CLVS2: variants seen among roughly 807,000 people sequenced by gnomAD.
The protein encoded by CLVS2 is clavesin-2.
In CLVS2, 19 loss-of-function variants were observed where a neutral mutation model predicts 29.0. That is an observed-to-expected ratio of 0.66 (90% CI 0.46 to 0.96). The LOEUF (loss-of-function observed/expected upper bound fraction) is 0.96. CLVS2 is among the 40% of genes least tolerant of loss of function. CLVS2 has a pLI of 0.00. For missense variants in CLVS2, 294 were observed against 404.1 expected (o/e 0.73, Z 2.34); for synonymous variants, 161 against 151.3 (o/e 1.06, Z -0.47).
In CLVS2 at chr6:122,997,582, G is replaced by GC. The variant is rs949735203; in HGVS notation, c.-189dup. On this transcript the variant is annotated 5_prime_UTR_variant, in exon 2 of 6. An upstream open reading frame in the 5' UTR loses its in-frame stop. Coordinates refer to ENST00000275162, the MANE Select transcript of CLVS2 (RefSeq NM_001010852.4). ...CAGAGGAAGAAGTTTACACCCCCCG[G>GC]CCCCCCCAGCTTTGCTGGGGGAAAG... 18 of 610,890 alleles carry GC rather than the reference G, an allele frequency of 2.9e-5. No individual in the cohort carries two copies. The highest frequency in any genetic ancestry group is 4.5e-4 in the Middle Eastern group (1 of 2,236). The allele number at this position is 610,890 out of a possible 1,614,324, so 37.8% of individuals were successfully genotyped here.
chr6:123,029,177 T>G (rs1424967527), intron 3 of CLVS2, among the ~76,000 whole-genome samples: 1 of 152,214 alleles, frequency 6.6e-6, no homozygotes. Flanking sequence ...TATGATATTC[T>G]TGTTATAATT....
At chr6:123,030,836 A>T (rs1041154198) in intron 3 of CLVS2, among the ~76,000 whole-genome samples, 6 of 124,490 alleles carry the variant, frequency 4.8e-5, no homozygotes, top group African/African-American at 1.6e-4. Flanking sequence ...TATATATATA[A>T]AATATATATA....
In CLVS2 at chr6:123,049,803, A is replaced by T. The variant is rs1289983468; in HGVS notation, c.675+1071A>T. 5.0e-5 allele frequency among the ~76,000 whole-genome samples: 3 copies of T among 60,154 alleles called. No homozygotes were observed. The South Asian group carries it at 2.0e-3, about 40-fold the overall frequency. 39.5% of individuals were successfully genotyped at this position (60,154 alleles called of 152,430 possible). Reference sequence around the variant, plus strand: ...ATCACACACCGGGGCCTGTTGTGGGATGGGGGGCGGGGAGGAATAGCATTA... The same window carrying T: ...ATCACACACCGGGGCCTGTTGTGGGTTGGGGGGCGGGGAGGAATAGCATTA... On this transcript the variant is annotated intron_variant, in intron 4 of 5. Transcript: ENST00000275162.
At position 122,997,453 on chromosome 6, in the gene CLVS2, G is replaced by C. The variant is rs1343182956; in HGVS notation, c.-325G>C. 1.5e-5 allele frequency: 5 copies of C among 324,356 alleles called. No individual in the cohort carries two copies. Among genetic ancestry groups the C allele is most frequent in the Non-Finnish European group, 3.0e-5 (5 of 166,160 alleles). 20.1% of individuals were successfully genotyped at this position (324,356 alleles called of 1,614,324 possible). A position where few individuals can be genotyped will look rare whatever the true frequency, so the allele number is the denominator to read the frequency against. ...GGTGGAATTAGGGGTGATTTGTTAGGAAAGAGAAAGGACAAGAAGAGGAGT... is the reference window on the plus strand; with the variant it reads ...GGTGGAATTAGGGGTGATTTGTTAGCAAAGAGAAAGGACAAGAAGAGGAGT... On this transcript the variant is annotated 5_prime_UTR_variant, in exon 2 of 6. Coordinates refer to ENST00000275162, the MANE Select transcript of CLVS2 (RefSeq NM_001010852.4).
rs1772964110 is a variant in CLVS2 at position 123,072,490 on chromosome 6, C to T, written c.*8729C>T. 1 of 152,072 alleles carries T rather than the reference C, an allele frequency of 6.6e-6. No homozygotes were observed. Among genetic ancestry groups the T allele is most frequent in the Non-Finnish European group, 1.5e-5 (1 of 67,972 alleles). 9.4% of individuals were successfully genotyped at this position (152,072 alleles called of 1,614,324 possible). A position where few individuals can be genotyped will look rare whatever the true frequency, so the allele number is the denominator to read the frequency against. ...AGAGAAGAGACTAATGATTCTTGCT[C>T]ACAAACAAGGCAGAATTTCCTTATG... On this transcript the variant is annotated 3_prime_UTR_variant, in exon 6 of 6. Coordinates refer to ENST00000275162, the MANE Select transcript of CLVS2 (RefSeq NM_001010852.4).
chr6:123,057,625 G>A (rs1003534449), intron 5 of CLVS2, among the ~76,000 whole-genome samples: 2 of 152,064 alleles, frequency 1.3e-5, no homozygotes, highest in Non-Finnish European at 2.9e-5. Flanking sequence ...TTACAGGAGT[G>A]AGCCATTGCG....
chr6:123,027,139 A>G (rs1056224372), intron 3 of CLVS2, among the ~76,000 whole-genome samples: 1 of 152,192 alleles, frequency 6.6e-6, no homozygotes, highest in South Asian at 2.1e-4. Flanking sequence ...TAAAGAAGTC[A>G]TCTGTTAGAT....
intron 2 of CLVS2, among the ~76,000 whole-genome samples, chr6:123,007,107 A>C (rs1774680091): frequency 6.6e-6 from 1 of 152,216 alleles, no homozygotes; most frequent in Non-Finnish European, 1.5e-5. Flanking sequence ...TTTTGTCCTC[A>C]CAATAATTCT....
chr6:123,018,852 T>C (rs1326790475), intron 3 of CLVS2, among the ~76,000 whole-genome samples: 1 of 152,032 alleles, frequency 6.6e-6, no homozygotes, highest in East Asian at 1.9e-4. Context: ...GTCTTCAATT[T>C]GAGTTTTAAA....
rs796557525 is a variant in CLVS2 at position 123,071,435 on chromosome 6, A to T, written c.*7674A>T. 6.6e-6 allele frequency: 1 copy of T among 152,016 alleles called. No homozygotes were observed. The highest frequency in any genetic ancestry group is 2.4e-5 in the African/African-American group (1 of 41,430). The allele number at this position is 152,016 out of a possible 1,614,324, so 9.4% of individuals were successfully genotyped here. A position where few individuals can be genotyped will look rare whatever the true frequency, so the allele number is the denominator to read the frequency against. ...CAGTTTTGTCTTTAGAAGTTACTCA[A>T]CGATCACTGGACCCTATATCTATCC... On this transcript the variant is annotated 3_prime_UTR_variant, in exon 6 of 6. Transcript: ENST00000275162.
chr6:122,998,250 AT>A, intron 2 of CLVS2, 84 bp downstream of exon 2: 1 of 1,449,584 alleles, frequency 6.9e-7, no homozygotes, highest in Non-Finnish European at 9.2e-7. Flanking sequence ...GGTTTTGTAG[AT>A]TTGATATTTT....
intron 3 of CLVS2, among the ~76,000 whole-genome samples, chr6:123,029,660 GTTTGT>G (rs1775055241): frequency 6.6e-6 from 1 of 152,092 alleles, no homozygotes; most frequent in Non-Finnish European, 1.5e-5. Flanking sequence ...TTGTTTGTTT[GTTTGT>G]TTTGTTTGTT....
intron 4 of CLVS2, 148 bp from the exon 5 acceptor site, chr6:123,055,658 T>C (rs974868813): frequency 1.6e-5 from 10 of 632,556 alleles, no homozygotes; most frequent in Non-Finnish European, 2.8e-5. Context: ...TCTGCCTGTT[T>C]TACAGAGTAG....
Position 123,071,245 on chromosome 6 carries a change from T to C in CLVS2, c.*7484T>C, listed in dbSNP as rs1387988073. The stretch of plus-strand genomic sequence containing the variant: ...GCAAGTTATGTAACGGCCAATAGTA[T>C]GAATTGAAAGAGTTTCTTGTTGTCT... On this transcript the variant is annotated 3_prime_UTR_variant, in exon 6 of 6. Transcript: ENST00000275162. The C allele has an allele frequency of 6.6e-6, 1 of 152,038 alleles. No individual in the cohort carries two copies. Among genetic ancestry groups the C allele is most frequent in the African/African-American group, 2.4e-5 (1 of 41,448 alleles). 9.4% of individuals were successfully genotyped at this position (152,038 alleles called of 1,614,324 possible). A position where few individuals can be genotyped will look rare whatever the true frequency, so the allele number is the denominator to read the frequency against.
intron 5 of CLVS2, among the ~76,000 whole-genome samples, chr6:123,058,201 A>C (rs1772723206): frequency 6.6e-6 from 1 of 152,134 alleles, no homozygotes. Context: ...CAGATACTGC[A>C]TCCTCAACGT....
chr6:123,043,178 A>G (rs1447622264), intron 3 of CLVS2, among the ~76,000 whole-genome samples: 6 of 152,210 alleles, frequency 3.9e-5, no homozygotes, highest in Non-Finnish European at 8.8e-5. Context: ...CAAGTTTCAT[A>G]TCATCTATAT....
At chr6:123,033,424 GATAATT>G (rs1775109895) in intron 3 of CLVS2, among the ~76,000 whole-genome samples, 1 of 151,984 alleles carries the variant, frequency 6.6e-6, no homozygotes, top group Non-Finnish European at 1.5e-5. Context: ...ATGTCCAACT[GATAATT>G]GAGAAAAGTG....
rs1274256225 is a variant in CLVS2 at position 123,066,966 on chromosome 6, T to G, written c.*3205T>G. The G allele has an allele frequency of 2.0e-5, 3 of 151,766 alleles. No homozygotes were observed. Among genetic ancestry groups the G allele is most frequent in the African/African-American group, 7.2e-5 (3 of 41,418 alleles). The allele number at this position is 151,766 out of a possible 1,614,324, so 9.4% of individuals were successfully genotyped here. ...AACGTGGCACTAGGCTAAAACGATA[T>G]ACGAGTATTAAACAGAGTTTTGCAA... On this transcript the variant is annotated 3_prime_UTR_variant, in exon 6 of 6. Coordinates refer to ENST00000275162, the MANE Select transcript of CLVS2 (RefSeq NM_001010852.4).
Position 122,996,760 on chromosome 6 carries a change from CTCTTTCT to C in CLVS2, c.-560+23_-560+29del, listed in dbSNP as rs1183628261. The C allele has an allele frequency of 6.0e-6, 1 of 166,618 alleles. No individual in the cohort carries two copies. The highest frequency in any genetic ancestry group is 1.5e-5 in the Non-Finnish European group (1 of 68,266). 10.3% of individuals were successfully genotyped at this position (166,618 alleles called of 1,614,324 possible). On this transcript the variant is annotated intron_variant, in intron 1 of 5. Coordinates refer to ENST00000275162, the MANE Select transcript of CLVS2 (RefSeq NM_001010852.4). ...CTGGGTTTGCTGGTAGGAGCGGCTG[CTCTTTCT>C]TCTTTCTTGCTTTGGGGTTTTATAG...
Sources: allele counts gnomAD v4.1 joint callset (sites outside exome capture counted in the v4.1 genomes callset), GRCh38; gene constraint gnomAD v4.1.1; transcripts MANE v1.5; gene names NCBI Gene and HGNC (gene_info 2026-07-23, HGNC 2026-07-21).